Variants in SYT2 observed in about 807,000 individuals in gnomAD.
SYT2 encodes synaptotagmin-2.
SYT2 carries 15 observed loss-of-function variants against 39.9 expected under a neutral mutation model. That is an observed-to-expected ratio of 0.38 (90% CI 0.25 to 0.58). SYT2 has a LOEUF of 0.58. SYT2 is among the 20% of genes least tolerant of loss of function. The pLI is 0.70. For synonymous variants in SYT2, 181 were observed against 204.5 expected, an observed-to-expected ratio of 0.89 and a Z score of 0.98; for missense variants, 389 against 530.3, an observed-to-expected ratio of 0.73 and a Z score of 2.62.
intron 1 of SYT2, among the ~76,000 whole-genome samples, chr1:202,704,528 CTG>C (rs1654200395): frequency 6.6e-6 from 1 of 152,156 alleles, no homozygotes; most frequent in African/African-American, 2.4e-5. Flanking sequence ...GACTTTTGGG[CTG>C]TGAGTCCCAT....
Position 202,623,370 on chromosome 1 carries a change from GGGCTGCCTCTGGCCCCCAGACA to G in SYT2, c.-17-17603_-17-17582del, listed in dbSNP as rs1192917528. ...GGCCCCCAGCTGCTCCCAGCCCAGG[GGGCTGCCTCTGGCCCCCAGACA>G]GGCTGCCTTCCCACCTCCTTCTCCA... On this transcript the variant is annotated intron_variant, in intron 1 of 8. Coordinates refer to ENST00000367268, the MANE Select transcript of SYT2 (RefSeq NM_177402.5). The surrounding 1 kb of genome is among the most constrained non-coding windows in gnomAD (Gnocchi z 4.2). 3.3e-5 allele frequency among the ~76,000 whole-genome samples: 5 copies of G among 152,222 alleles called. No homozygotes were observed. The highest frequency in any genetic ancestry group is 3.3e-4 in the Admixed American group (5 of 15,294).
In SYT2 at chr1:202,646,755, G is replaced by C. The variant is rs1692092296; in HGVS notation, c.-17-40966C>G. On this transcript the variant is annotated intron_variant, in intron 1 of 8. Transcript: ENST00000367268. The stretch of plus-strand genomic sequence containing the variant: ...TTGGCCTTGCTGGGGAAGACAGAGG[G>C]CTGAAGGAATAAGGGAAGGAGCATC... Among the ~76,000 whole-genome samples, 4 of 152,202 alleles carry C rather than the reference G, an allele frequency of 2.6e-5. No individual in the cohort carries two copies. In the South Asian group the frequency reaches 8.3e-4, roughly 31 times the overall value.
chr1:202,633,554 C>T (rs1233608064), intron 1 of SYT2, among the ~76,000 whole-genome samples: 2 of 152,124 alleles, frequency 1.3e-5, no homozygotes, highest in Non-Finnish European at 2.9e-5. Context: ...TGTTGCTGAG[C>T]ACAGCAGTGA....
At chr1:202,658,187 A>G (rs1353259146) in intron 1 of SYT2, among the ~76,000 whole-genome samples, 1 of 152,144 alleles carries the variant, frequency 6.6e-6, no homozygotes, top group Non-Finnish European at 1.5e-5. Flanking sequence ...GGGAGACTGC[A>G]GGTGGGTGGA....
Position 202,628,632 on chromosome 1 carries a change from C to T in SYT2, c.-17-22843G>A, listed in dbSNP as rs796966578. On this transcript the variant is annotated intron_variant, in intron 1 of 8. Coordinates refer to ENST00000367268, the MANE Select transcript of SYT2 (RefSeq NM_177402.5). The surrounding 1 kb of genome is among the most constrained non-coding windows in gnomAD (Gnocchi z 4.2). The stretch of plus-strand genomic sequence containing the variant: ...AGCTCTCTCCTGCCTGACCGGGGGC[C>T]GGGACAGACATGGGAGATAGGGGCC... 1.1e-4 allele frequency among the ~76,000 whole-genome samples: 17 copies of T among 152,260 alleles called. No individual in the cohort carries two copies. The highest frequency in any genetic ancestry group is 2.9e-4 in the African/African-American group (12 of 41,524).
At chr1:202,624,182 G>T (rs144208178) in intron 1 of SYT2, among the ~76,000 whole-genome samples, 1 of 151,922 alleles carries the variant, frequency 6.6e-6, no homozygotes. Flanking sequence ...GTATGTGGTG[G>T]GTAGGGGTAT....
chr1:202,682,458 G>GCA (rs1019424778), intron 1 of SYT2, among the ~76,000 whole-genome samples: 24 of 152,324 alleles, frequency 1.6e-4, no homozygotes, highest in African/African-American at 5.5e-4. Flanking sequence ...GACAAGAAGG[G>GCA]CACAGGTCAG....
intron 1 of SYT2, among the ~76,000 whole-genome samples, chr1:202,697,180 G>A (rs1268052375): frequency 1.3e-5 from 2 of 152,254 alleles, no homozygotes; most frequent in Non-Finnish European, 2.9e-5. Context: ...GGAAGCCACA[G>A]GTCCAAAGTC....
intron 1 of SYT2, among the ~76,000 whole-genome samples, chr1:202,624,280 GTA>G (rs974118650): frequency 6.7e-6 from 1 of 150,310 alleles, no homozygotes; most frequent in African/African-American, 2.5e-5. Flanking sequence ...AGTGGGGTGT[GTA>G]TATATGGTGT....
chr1:202,640,111 C>A (rs923168160), intron 1 of SYT2, among the ~76,000 whole-genome samples: 2 of 152,158 alleles, frequency 1.3e-5, no homozygotes, highest in African/African-American at 4.8e-5. Flanking sequence ...ACCTGCAAAG[C>A]CTTTGCTCTT....
At chr1:202,668,983 G>C (rs1692531672) in intron 1 of SYT2, among the ~76,000 whole-genome samples, 1 of 152,194 alleles carries the variant, frequency 6.6e-6, no homozygotes, top group Non-Finnish European at 1.5e-5. Context: ...ATCTGTCTGT[G>C]TCTCATTTAT....
At chr1:202,661,809 C>T (rs974655343) in intron 1 of SYT2, among the ~76,000 whole-genome samples, 3 of 152,226 alleles carry the variant, frequency 2.0e-5, no homozygotes, top group Admixed American at 1.3e-4. Flanking sequence ...GTAACTGAGG[C>T]TCAGAGTGGG....
intron 1 of SYT2, among the ~76,000 whole-genome samples, chr1:202,664,354 C>G (rs144414907): frequency 4.6e-5 from 7 of 152,252 alleles, no homozygotes; most frequent in African/African-American, 1.7e-4. Context: ...CATCATTGGC[C>G]TCATTTTATG....
At chr1:202,606,780 G>C (rs114204863) in intron 1 of SYT2, among the ~76,000 whole-genome samples, 2,681 of 152,260 alleles carry the variant, frequency 0.018, 85 homozygotes, top group African/African-American at 0.061. Context: ...TGGGGAGAGA[G>C]AGAGAAATCC....
intron 1 of SYT2, among the ~76,000 whole-genome samples, chr1:202,639,252 G>C (rs1450146285): frequency 6.6e-6 from 1 of 152,216 alleles, no homozygotes; most frequent in African/African-American, 2.4e-5. Flanking sequence ...TCAGTATCTA[G>C]ATCAGGAAGT....
At chr1:202,617,687 G>T (rs769568881) in intron 1 of SYT2, among the ~76,000 whole-genome samples, 1 of 151,682 alleles carries the variant, frequency 6.6e-6, no homozygotes, top group Non-Finnish European at 1.5e-5. Flanking sequence ...CCCTACCCCC[G>T]CATCAAGGCC....
At position 202,628,305 on chromosome 1, in the gene SYT2, G is replaced by T. The variant is rs1435293010; in HGVS notation, c.-17-22516C>A. On this transcript the variant is annotated intron_variant, in intron 1 of 8. Transcript: ENST00000367268. The surrounding 1 kb of genome is among the most constrained non-coding windows in gnomAD (Gnocchi z 4.2). ...CCAGGTAGCAGAGCAGCTCGCTTTG[G>T]GCCACACCAGGACCTGGGAGAGGTC... Among the ~76,000 whole-genome samples the T allele has an allele frequency of 6.6e-6, 1 of 152,020 alleles. No homozygotes were observed. The highest frequency in any genetic ancestry group is 1.5e-5 in the Non-Finnish European group (1 of 68,008).
At chr1:202,694,845 G>A (rs945224468) in intron 1 of SYT2, among the ~76,000 whole-genome samples, 1 of 151,558 alleles carries the variant, frequency 6.6e-6, no homozygotes, top group Non-Finnish European at 1.5e-5. Flanking sequence ...TAAGTTGACT[G>A]GTTGACAACT....
intron 1 of SYT2, among the ~76,000 whole-genome samples, chr1:202,687,548 C>A (rs187166510): frequency 1.3e-5 from 2 of 151,546 alleles, no homozygotes; most frequent in Non-Finnish European, 2.9e-5. Flanking sequence ...GGCACCTCTG[C>A]GGAAGAGGGC....
Sources: allele counts gnomAD v4.1 joint callset (sites outside exome capture counted in the v4.1 genomes callset), GRCh38; gene constraint gnomAD v4.1.1; non-coding constraint Gnocchi (gnomAD v3.1); transcripts MANE v1.5; gene names NCBI Gene and HGNC (gene_info 2026-07-23, HGNC 2026-07-21).